Variants in SENP7 observed in about 807,000 individuals in gnomAD.
SENP7 encodes the protein SUMO specific peptidase 7.
Under a neutral mutation model 141.2 loss-of-function variants are expected in SENP7, and 64 were observed. That is an observed-to-expected ratio of 0.45 (90% CI 0.37 to 0.56). The LOEUF (loss-of-function observed/expected upper bound fraction) is 0.56, where lower values mean the gene tolerates loss of function less well. Ranked by LOEUF, SENP7 falls within the 20% of genes least tolerant of loss-of-function variation. The probability of loss-of-function intolerance (pLI) is 0.00; values close to 1 mark genes in which losing one functional copy is unlikely to be tolerated. For synonymous variants in SENP7, 382 were observed against 426.4 expected (o/e 0.90, Z 1.28); for missense variants, 1,025 against 1,212.2 (o/e 0.85, Z 2.29).
intron 4 of SENP7, among the ~76,000 whole-genome samples, chr3:101,441,494 A>G (rs1467395741): frequency 6.6e-6 from 1 of 152,146 alleles, no homozygotes. Flanking sequence ...ACCACAGCCC[A>G]TACACACTGT....
chr3:101,466,587 G>C (rs1278861136), intron 3 of SENP7, among the ~76,000 whole-genome samples: 2 of 152,072 alleles, frequency 1.3e-5, no homozygotes, highest in African/African-American at 2.4e-5. Flanking sequence ...CTACAAAAAT[G>C]CTTAATAGAG....
At chr3:101,466,963 T>C (rs2063779069) in intron 3 of SENP7, among the ~76,000 whole-genome samples, 1 of 151,954 alleles carries the variant, frequency 6.6e-6, no homozygotes, top group South Asian at 2.1e-4. Flanking sequence ...CGTGGAAAAA[T>C]GGGACAGTCC....
At chr3:101,458,284 C>T (rs1290635740) in intron 4 of SENP7, among the ~76,000 whole-genome samples, 1 of 152,194 alleles carries the variant, frequency 6.6e-6, no homozygotes, top group Non-Finnish European at 1.5e-5. Context: ...AATGAGTCTT[C>T]TAAATTTGTG....
At chr3:101,431,778 C>T (rs1220617379) in intron 4 of SENP7, among the ~76,000 whole-genome samples, 2 of 125,836 alleles carry the variant, frequency 1.6e-5, no homozygotes, top group East Asian at 5.1e-4. Flanking sequence ...AGCCAGACTT[C>T]GTCTCAAAAA....
chr3:101,440,827 TC>T (rs1484944720), intron 4 of SENP7, among the ~76,000 whole-genome samples: 2 of 152,220 alleles, frequency 1.3e-5, no homozygotes, highest in African/African-American at 4.8e-5. Context: ...AGGAGATTTA[TC>T]CCAGGAATGC....
rs749884435 is a variant in SENP7 at position 101,375,474 on chromosome 3, G to A, written c.678-3348C>T. Among the ~76,000 whole-genome samples, 4 of 150,024 alleles carry A rather than the reference G, an allele frequency of 2.7e-5. 1 individual carries two copies. Among genetic ancestry groups the A allele is most frequent in the Admixed American group, 2.0e-4 (3 of 14,948 alleles). ...TGAGAATCGCTTGAACCCGGGAGGC[G>A]GAGATTGCGGTGAGCCAAGATCATG... On this transcript the variant is annotated intron_variant, in intron 6 of 23. Coordinates refer to ENST00000394095, the MANE Select transcript of SENP7 (RefSeq NM_020654.5).
At chr3:101,344,612 C>T (rs1194351474) in intron 13 of SENP7, among the ~76,000 whole-genome samples, 1 of 152,162 alleles carries the variant, frequency 6.6e-6, no homozygotes, top group Non-Finnish European at 1.5e-5. Flanking sequence ...AACCCAACTC[C>T]TTCAGGAGCT....
intron 3 of SENP7, among the ~76,000 whole-genome samples, chr3:101,470,027 A>G (rs2063922370): frequency 6.6e-6 from 1 of 152,246 alleles, no homozygotes; most frequent in East Asian, 1.9e-4. Context: ...TTTGAAACCA[A>G]TGAGAACAAA....
intron 5 of SENP7, among the ~76,000 whole-genome samples, chr3:101,407,013 C>A (rs2061325954): frequency 6.6e-6 from 1 of 152,126 alleles, no homozygotes; most frequent in African/African-American, 2.4e-5. Context: ...TTCAGACAAA[C>A]AAATGGGAAG....
intron 4 of SENP7, among the ~76,000 whole-genome samples, chr3:101,421,436 A>G (rs2061788853): frequency 6.6e-6 from 1 of 152,224 alleles, no homozygotes; most frequent in Non-Finnish European, 1.5e-5. Context: ...AATTAAGTCT[A>G]ATGGAAAAAC....
chr3:101,506,913 T>A (rs1298048646), intron 1 of SENP7, among the ~76,000 whole-genome samples: 1 of 151,982 alleles, frequency 6.6e-6, no homozygotes, highest in Non-Finnish European at 1.5e-5. Context: ...TTTTAAAAAA[T>A]AGCCAGGCAT....
Position 101,364,875 on chromosome 3 carries a change from C to T in SENP7, c.1435G>A (p.Ala479Thr). ...TNENESTSES[A>T]LLELPLITCE... is the part of the protein sequence containing the mutation. ...GTAATCAATGGTAGTTCTAACAATG[C>T]TGATTCAGAAGTACTCTCATTTTCA... The change falls in exon 10 of 24, where the codon GCA (alanine) becomes ACA (threonine). Residue 479 changes from alanine to threonine, a missense_variant. Physicochemically the swap from Ala to Thr is moderately conservative, Grantham distance 58. Coordinates refer to ENST00000394095, the MANE Select transcript of SENP7 (RefSeq NM_020654.5). 3 of 1,601,892 alleles carry T rather than the reference C, an allele frequency of 1.9e-6. No homozygotes were observed. The highest frequency in any genetic ancestry group is 2.6e-6 in the Non-Finnish European group (3 of 1,174,206).
chr3:101,374,599 C>CCACACACACAAA (rs2060268214), intron 6 of SENP7, among the ~76,000 whole-genome samples: 1 of 149,148 alleles, frequency 6.7e-6, no homozygotes, highest in Non-Finnish European at 1.5e-5. Context: ...TTCACCCCAC[C>CCACACACACAAA]CACACACACA....
At chr3:101,502,003 TG>T (rs2065401662) in intron 1 of SENP7, among the ~76,000 whole-genome samples, 1 of 152,174 alleles carries the variant, frequency 6.6e-6, no homozygotes, top group African/African-American at 2.4e-5. Context: ...TAGATTGAAA[TG>T]TCAAAGATAA....
chr3:101,460,491 C>G (rs946042002), intron 3 of SENP7, among the ~76,000 whole-genome samples: 7 of 152,076 alleles, frequency 4.6e-5, no homozygotes, highest in Non-Finnish European at 1.0e-4. Flanking sequence ...TGAACCGCCA[C>G]ATGCAAAAGC....
At chr3:101,341,567 TA>T (rs2059327470) in intron 15 of SENP7, 78 bp downstream of exon 15, 2 of 1,240,560 alleles carry the variant, frequency 1.6e-6, no homozygotes, top group South Asian at 2.7e-5. Flanking sequence ...TTTCAAAAGT[TA>T]AACTACTGAA....
chr3:101,407,036 T>A (rs182039374), intron 5 of SENP7, among the ~76,000 whole-genome samples: 286 of 152,268 alleles, frequency 1.9e-3, no homozygotes, highest in Non-Finnish European at 3.0e-3. Context: ...AATTCGCCAT[T>A]ACCAAGCACT....
intron 3 of SENP7, among the ~76,000 whole-genome samples, chr3:101,459,826 A>T (rs907674547): frequency 6.6e-6 from 1 of 152,186 alleles, no homozygotes; most frequent in African/African-American, 2.4e-5. Flanking sequence ...TTGCTCGACT[A>T]ATTCAGAAAA....
intron 3 of SENP7, among the ~76,000 whole-genome samples, chr3:101,480,503 C>A (rs1457831464): frequency 6.6e-6 from 1 of 152,094 alleles, no homozygotes; most frequent in Non-Finnish European, 1.5e-5. Flanking sequence ...TATTCCTCAC[C>A]ATATACAAAA....
Sources: gnomAD v4.1 joint callset for allele counts (sites outside exome capture counted in the v4.1 genomes callset) on GRCh38, gnomAD v4.1.1 for gene constraint, MANE v1.5 for transcripts, NCBI Gene and HGNC (gene_info 2026-07-23, HGNC 2026-07-21) for gene names.